The following RAB3C variants were observed in gnomAD, a reference collection of about 807,000 sequenced individuals.
RAB3C encodes the protein ras-related protein Rab-3C.
In RAB3C, 17 loss-of-function variants were observed where a neutral mutation model predicts 26.4. That is an observed-to-expected ratio of 0.64 (90% CI 0.44 to 0.97). The LOEUF is 0.97. Among genes scored for constraint, RAB3C ranks in the 50% least tolerant of loss-of-function variants. RAB3C has a pLI of 0.00. For synonymous variants in RAB3C, 91 were observed against 95.9 expected (o/e 0.95, Z 0.30); for missense variants, 242 against 281.9 (o/e 0.86, Z 1.01).
intron 2 of RAB3C, among the ~76,000 whole-genome samples, chr5:58,654,522 A>G (rs1747724456): frequency 6.6e-6 from 1 of 152,202 alleles, no homozygotes; most frequent in African/African-American, 2.4e-5. Context: ...AGGTTGCTTA[A>G]ATAATTACTT....
At chr5:58,707,412 ATGC>A (rs1383600104) in intron 2 of RAB3C, among the ~76,000 whole-genome samples, 99 of 152,312 alleles carry the variant, frequency 6.5e-4, no homozygotes, top group Non-Finnish European at 1.2e-4. Context: ...CAGGTGTTGC[ATGC>A]TTCCTGTGTC....
intron 3 of RAB3C, among the ~76,000 whole-genome samples, chr5:58,800,177 G>T (rs1346314166): frequency 3.9e-5 from 6 of 152,216 alleles, no homozygotes. Flanking sequence ...ATTTGAGCCA[G>T]ATTCTTATTT....
At chr5:58,679,342 C>A (rs1022715754) in intron 2 of RAB3C, among the ~76,000 whole-genome samples, 1 of 152,094 alleles carries the variant, frequency 6.6e-6, no homozygotes, top group African/African-American at 2.4e-5. Context: ...TCTCTAGAGC[C>A]CCTTTCATCT....
chr5:58,838,099 G>T (rs1338630150), intron 4 of RAB3C, among the ~76,000 whole-genome samples: 2 of 151,848 alleles, frequency 1.3e-5, no homozygotes, highest in Non-Finnish European at 2.9e-5. Flanking sequence ...CAACTTTTTG[G>T]CCAGGTGCGG....
At chr5:58,793,580 A>C (rs866476473) in intron 3 of RAB3C, among the ~76,000 whole-genome samples, 108 of 67,912 alleles carry the variant, frequency 1.6e-3, no homozygotes, top group Middle Eastern at 7.2e-3. Context: ...TCATTTTGCC[A>C]CTTTTTTTTT....
chr5:58,601,807 A>G (rs889695230), intron 1 of RAB3C, among the ~76,000 whole-genome samples: 2 of 151,530 alleles, frequency 1.3e-5, no homozygotes, highest in African/African-American at 4.8e-5. Flanking sequence ...TTTTTGTTTC[A>G]TTTATCTTTT....
At chr5:58,702,614 C>T (rs574637152) in intron 2 of RAB3C, among the ~76,000 whole-genome samples, 5 of 152,188 alleles carry the variant, frequency 3.3e-5, no homozygotes, top group African/African-American at 9.6e-5. Flanking sequence ...TGCACACACA[C>T]ATCCTTCTCT....
intron 1 of RAB3C, among the ~76,000 whole-genome samples, chr5:58,592,554 T>G (rs1265558195): frequency 1.3e-5 from 2 of 152,190 alleles, no homozygotes; most frequent in East Asian, 3.9e-4. Flanking sequence ...ATCATTTTTC[T>G]TCAGCCTGAA....
chr5:58,674,971 G>A (rs1748193289), intron 2 of RAB3C, among the ~76,000 whole-genome samples: 1 of 152,066 alleles, frequency 6.6e-6, no homozygotes, highest in South Asian at 2.1e-4. Flanking sequence ...CTGAAGCTCA[G>A]AGGATCCCTC....
chr5:58,804,637 G>C (rs1043337666), intron 3 of RAB3C, among the ~76,000 whole-genome samples: 1 of 152,034 alleles, frequency 6.6e-6, no homozygotes, highest in Non-Finnish European at 1.5e-5. Flanking sequence ...ATGCCAGGGA[G>C]AGAAAGTCAC....
intron 3 of RAB3C, among the ~76,000 whole-genome samples, chr5:58,774,382 C>T (rs1192966464): frequency 1.3e-5 from 2 of 152,078 alleles, no homozygotes; most frequent in African/African-American, 4.8e-5. Flanking sequence ...TCTTCTGTAC[C>T]TCTCTTTCCA....
chr5:58,748,906 G>C (rs1224184899), intron 3 of RAB3C, among the ~76,000 whole-genome samples: 10 of 152,054 alleles, frequency 6.6e-5, no homozygotes, highest in Non-Finnish European at 8.8e-5. Context: ...TCCAGACCAT[G>C]GCAGTTAAGA....
At chr5:58,728,337 C>A (rs1055793438) in intron 3 of RAB3C, among the ~76,000 whole-genome samples, 2 of 151,982 alleles carry the variant, frequency 1.3e-5, no homozygotes, top group Non-Finnish European at 2.9e-5. Flanking sequence ...TTTATTTCTT[C>A]CTCTTTTACA....
At chr5:58,780,774 T>C (rs913637893) in intron 3 of RAB3C, among the ~76,000 whole-genome samples, 21 of 152,092 alleles carry the variant, frequency 1.4e-4, no homozygotes, top group Non-Finnish European at 2.4e-4. Context: ...TTCTGGAATA[T>C]CCTGAGATCT....
chr5:58,731,750 T>TA (rs1374172397), intron 3 of RAB3C, among the ~76,000 whole-genome samples: 2 of 152,172 alleles, frequency 1.3e-5, no homozygotes, highest in Non-Finnish European at 2.9e-5. Flanking sequence ...ACTGACCCAC[T>TA]AGCTTTTCTC....
rs146392048 is a variant in RAB3C, at chr5:58,648,998, C to A, written c.252+31128C>A. Among the ~76,000 whole-genome samples the A allele has an allele frequency of 1.8e-3, 273 of 152,260 alleles. 2 individuals carry two copies. Among genetic ancestry groups the A allele is most frequent in the South Asian group, 5.2e-3 (25 of 4,828 alleles). ...AGTGCTTAATCACCGAGGTTATAAA[C>A]CAAACATCAGTTTCCTTCACATTCC... On this transcript the variant is annotated intron_variant, in intron 2 of 4. Transcript: ENST00000282878.
chr5:58,658,484 A>G (rs63710), intron 2 of RAB3C, among the ~76,000 whole-genome samples: 108,685 of 152,174 alleles, frequency 0.71, 39,181 homozygotes, highest in Middle Eastern at 0.79. Flanking sequence ...TAAACAATCA[A>G]TAGAATATGA....
chr5:58,782,771 T>C (rs2112003952), intron 3 of RAB3C, among the ~76,000 whole-genome samples: 1 of 152,252 alleles, frequency 6.6e-6, no homozygotes, highest in South Asian at 2.1e-4. Context: ...GTAGGAATAT[T>C]AGCTTTATAC....
intron 3 of RAB3C, among the ~76,000 whole-genome samples, chr5:58,814,461 T>C (rs1743167187): frequency 6.6e-6 from 1 of 152,186 alleles, no homozygotes; most frequent in Non-Finnish European, 1.5e-5. Flanking sequence ...GGTTCTAAGT[T>C]TAGCTTCCCC....
Sources: gnomAD v4.1 joint callset for allele counts (sites outside exome capture counted in the v4.1 genomes callset) on GRCh38, gnomAD v4.1.1 for gene constraint, MANE v1.5 for transcripts, NCBI Gene and HGNC (gene_info 2026-07-23, HGNC 2026-07-21) for gene names.